The following AKR1A1 variants were observed in gnomAD, a reference collection of about 807,000 sequenced individuals.
AKR1A1 encodes HEL-S-165mP.
In AKR1A1, 26 loss-of-function variants were observed where a neutral mutation model predicts 39.2. The ratio of observed to expected loss-of-function variants is 0.66; its 90% CI spans 0.49 to 0.92. The LOEUF (loss-of-function observed/expected upper bound fraction) is 0.92. Among genes scored for constraint, AKR1A1 ranks in the 40% least tolerant of loss-of-function variants. The pLI is 0.00. For missense variants in AKR1A1, 378 were observed against 406.5 expected (o/e 0.93, Z 0.60); for synonymous variants, 141 against 155.5 (o/e 0.91, Z 0.69).
chr1:45,560,467 A>G (rs1237931333), intron 1 of AKR1A1, among the ~76,000 whole-genome samples: 2 of 152,164 alleles, frequency 1.3e-5, no homozygotes, highest in Non-Finnish European at 2.9e-5. Flanking sequence ...AAAAACATCC[A>G]GGTGTGCTGG....
chr1:45,569,140 C>T lies in AKR1A1; in HGVS notation c.826-3C>T. 6.2e-7 allele frequency: 1 copy of T among 1,613,802 alleles called. No homozygotes were observed. Among genetic ancestry groups the T allele is most frequent in the Non-Finnish European group, 8.5e-7 (1 of 1,179,646 alleles). Reference sequence around the variant, plus strand: ...TTTCTTGAACCCCACTCTCCATCCTCAGGTGTTTGACTTCACCTTTAGCCC... The same window carrying T: ...TTTCTTGAACCCCACTCTCCATCCTTAGGTGTTTGACTTCACCTTTAGCCC... On this transcript the variant is annotated splice_polypyrimidine_tract_variant and splice_region_variant and intron_variant, in intron 7 of 8. Coordinates refer to ENST00000351829, the MANE Select transcript of AKR1A1 (RefSeq NM_153326.3).
chr1:45,555,707 AG>A (rs1644193135), intron 1 of AKR1A1, among the ~76,000 whole-genome samples: 1 of 152,212 alleles, frequency 6.6e-6, no homozygotes, highest in Non-Finnish European at 1.5e-5. Flanking sequence ...ATGACTATAC[AG>A]AAAGAAGAGC....
At chr1:45,554,122 C>T (rs1391943719) in intron 1 of AKR1A1, among the ~76,000 whole-genome samples, 1 of 151,956 alleles carries the variant, frequency 6.6e-6, no homozygotes, top group African/African-American at 2.4e-5. Context: ...CAGTGAGACC[C>T]TATCTCTACA....
intron 1 of AKR1A1, among the ~76,000 whole-genome samples, chr1:45,561,356 A>G (rs1343728298): frequency 6.6e-6 from 1 of 151,966 alleles, no homozygotes; most frequent in African/African-American, 2.4e-5. Context: ...GCTCACAGGC[A>G]CATATATAAC....
chr1:45,566,919 G>GCTGTGGAA lies in AKR1A1; in HGVS notation c.256_257insTGTGGAAC (p.His86LeufsTer29). The GCTGTGGAA allele has an allele frequency of 6.2e-7, 1 of 1,614,160 alleles. No individual in the cohort carries two copies. Among genetic ancestry groups the GCTGTGGAA allele is most frequent in the Non-Finnish European group, 8.5e-7 (1 of 1,180,020 alleles). On this transcript the variant is annotated frameshift_variant, in exon 4 of 9. Transcript: ENST00000351829. LOFTEE classifies it high-confidence loss of function. ...TGACATCCAAGCTGTGGAACACCAA[G>GCTGTGGAA]CACCACCCCGAGGATGTGGAGCCTG...
Position 45,556,784 on chromosome 1 carries a change from G to A in AKR1A1, c.-6-5005G>A, listed in dbSNP as rs576788301. ...CCCAGCTACTCGGGAGGCTGAGGCA[G>A]GAGAATCGCTTGAACCTGGGAGGTG... On this transcript the variant is annotated intron_variant, in intron 1 of 8. Transcript: ENST00000351829. 5.3e-4 allele frequency among the ~76,000 whole-genome samples: 79 copies of A among 150,084 alleles called. 1 individual carries two copies. The highest frequency in any genetic ancestry group is 1.5e-3 in the African/African-American group (62 of 40,762).
chr1:45,553,092 T>C (rs956878577), intron 1 of AKR1A1, among the ~76,000 whole-genome samples: 1 of 149,958 alleles, frequency 6.7e-6, no homozygotes, highest in African/African-American at 2.5e-5. Context: ...GCCACTGCAT[T>C]CCAGCCTGGG....
intron 1 of AKR1A1, among the ~76,000 whole-genome samples, chr1:45,560,489 A>G (rs1444027262): frequency 1.3e-5 from 2 of 152,174 alleles, no homozygotes; most frequent in Non-Finnish European, 1.5e-5. Flanking sequence ...ACAGGCCTGT[A>G]GTCCCAGCTA....
intron 1 of AKR1A1, among the ~76,000 whole-genome samples, chr1:45,560,711 G>A (rs1361410789): frequency 4.7e-5 from 7 of 149,868 alleles, no homozygotes; most frequent in Non-Finnish European, 8.9e-5. Context: ...GGTACTTGGA[G>A]AATCTCTGCA....
intron 4 of AKR1A1, chr1:45,567,720 G>A: frequency 3.6e-6 from 1 of 276,542 alleles, no homozygotes; most frequent in Non-Finnish European, 6.9e-6. Context: ...CCAGCTACTG[G>A]GGAGGCTGAG....
At chr1:45,561,756 C>A (rs1472273449) in intron 1 of AKR1A1, 33 bp from the exon 2 acceptor site, 1 of 1,604,766 alleles carries the variant, frequency 6.2e-7, no homozygotes, top group East Asian at 2.2e-5. Context: ...CAGCACTAAC[C>A]CCAACACCAT....
rs373511221 is a variant in AKR1A1 at position 45,561,989 on chromosome 1, A to G, written c.84+111A>G. On this transcript the variant is annotated intron_variant, in intron 2 of 8. Coordinates refer to ENST00000351829, the MANE Select transcript of AKR1A1 (RefSeq NM_153326.3). ...CGGGGATGAGCCAGTGGGAAGAGAT[A>G]AGAGAAGACACCAATTATACATCCT... The G allele has an allele frequency of 9.8e-5, 103 of 1,051,576 alleles. No homozygotes were observed. The Middle Eastern group carries it at 2.4e-3, about 25-fold the overall frequency. 65.1% of individuals were successfully genotyped at this position (1,051,576 alleles called of 1,614,324 possible).
intron 2 of AKR1A1, among the ~76,000 whole-genome samples, chr1:45,565,971 T>C (rs1047305954): frequency 6.6e-6 from 1 of 152,032 alleles, no homozygotes; most frequent in Non-Finnish European, 1.5e-5. Flanking sequence ...ATATTGTTAG[T>C]TTTTGCTAGA....
chr1:45,554,736 G>A (rs34768551), intron 1 of AKR1A1, among the ~76,000 whole-genome samples: 34,689 of 152,064 alleles, frequency 0.23, 4,073 homozygotes, highest in East Asian at 0.32. Flanking sequence ...TGTGGCCCAA[G>A]CTGGAGTGCA....
intron 4 of AKR1A1, 34 bp from the exon 5 acceptor site, chr1:45,567,948 G>A (rs758872972): frequency 1.3e-6 from 2 of 1,569,724 alleles, no homozygotes; most frequent in South Asian, 1.2e-5. Flanking sequence ...CCTGGCATTT[G>A]TGTCCACACT....
At chr1:45,557,429 A>C (rs1181312063) in intron 1 of AKR1A1, among the ~76,000 whole-genome samples, 1 of 151,980 alleles carries the variant, frequency 6.6e-6, no homozygotes, top group Non-Finnish European at 1.5e-5. Context: ...TTCTTTGCAG[A>C]TCTCCTCCAT....
At chr1:45,565,121 C>CTT (rs1557634805) in intron 2 of AKR1A1, among the ~76,000 whole-genome samples, 1 of 124,924 alleles carries the variant, frequency 8.0e-6, no homozygotes, top group Non-Finnish European at 1.7e-5. Flanking sequence ...CACACCCAGC[C>CTT]ATTTTTTTTT....
At chr1:45,566,770 C>A in intron 3 of AKR1A1, 82 bp downstream of exon 3, 3 of 1,595,868 alleles carry the variant, frequency 1.9e-6, no homozygotes, top group Non-Finnish European at 1.7e-6. Context: ...TGGAGGGAAT[C>A]TGGCATCAGC....
At position 45,566,871 on chromosome 1, in the gene AKR1A1, G is replaced by A. The variant is rs41269113; in HGVS notation, c.207G>A (p.Ala69=). 0.028 allele frequency: 45,858 copies of A among 1,613,820 alleles called. 785 individuals are homozygous for A. Among genetic ancestry groups the A allele is most frequent in the Non-Finnish European group, 0.035 (41,184 of 1,179,862 alleles). The change falls in exon 4 of 9, where the codon GCG becomes GCA. Residue 69 remains alanine, a splice_region_variant and synonymous_variant. Coordinates refer to ENST00000351829, the MANE Select transcript of AKR1A1 (RefSeq NM_153326.3). ...ALKEDVGPGK[A]VPREELFVTS... is the part of the protein sequence containing the mutation. Reference sequence around the variant, plus strand: ...GTGGGCCCTGCCCCCTGCACTAGGCGGTGCCTCGGGAGGAGCTGTTTGTGA... The same window carrying A: ...GTGGGCCCTGCCCCCTGCACTAGGCAGTGCCTCGGGAGGAGCTGTTTGTGA...
Sources: allele counts gnomAD v4.1 joint callset (sites outside exome capture counted in the v4.1 genomes callset), GRCh38; gene constraint gnomAD v4.1.1; transcripts MANE v1.5; gene names NCBI Gene and HGNC (gene_info 2026-07-23, HGNC 2026-07-21).